DPF3: variants seen among roughly 807,000 people sequenced by gnomAD.
DPF3 encodes double PHD fingers 3.
A neutral mutation model predicts 56.8 loss-of-function variants in DPF3; 18 were observed. The observed-to-expected ratio is 0.32, with a 90% CI of 0.22 to 0.47. The LOEUF (loss-of-function observed/expected upper bound fraction) is 0.47. Ranked by LOEUF, DPF3 falls within the 20% of genes least tolerant of loss-of-function variation. The pLI, the probability that DPF3 is intolerant of heterozygous loss-of-function variation, is 1.00. For missense variants in DPF3, 403 were observed against 488.8 expected, an observed-to-expected ratio of 0.82 and a Z score of 1.65; for synonymous variants, 188 against 180.2, an observed-to-expected ratio of 1.04 and a Z score of -0.35.
intron 8 of DPF3, among the ~76,000 whole-genome samples, chr14:72,651,101 T>C (rs1476475501): frequency 6.6e-6 from 1 of 152,196 alleles, no homozygotes; most frequent in Non-Finnish European, 1.5e-5. Context: ...AGTGACTTGC[T>C]CAGGGTACAG....
chr14:72,768,323 T>C (rs1891375067), intron 2 of DPF3, among the ~76,000 whole-genome samples: 1 of 152,210 alleles, frequency 6.6e-6, no homozygotes, highest in African/African-American at 2.4e-5. Flanking sequence ...TGGTTTTCAA[T>C]GTATGTAAAG....
chr14:72,619,193 T>TGCAGTTG lies in DPF3; in HGVS notation c.*97_*103dup. 8.6e-7 allele frequency: 1 copy of TGCAGTTG among 1,157,112 alleles called. No homozygotes were observed. Among genetic ancestry groups the TGCAGTTG allele is most frequent in the Non-Finnish European group, 1.2e-6 (1 of 827,642 alleles). 71.7% of individuals were successfully genotyped at this position (1,157,112 alleles called of 1,614,324 possible). On this transcript the variant is annotated 3_prime_UTR_variant, in exon 11 of 11. Coordinates refer to ENST00000556509, the MANE Select transcript of DPF3 (RefSeq NM_001280542.3). ...CCCCTCTGGGACTATTTCTTTTCCT[T>TGCAGTTG]GCAGTTGGTCTGGCTGGATATGTGG...
intron 1 of DPF3, among the ~76,000 whole-genome samples, chr14:72,796,838 C>T (rs1051316540): frequency 1.1e-4 from 16 of 152,044 alleles, no homozygotes; most frequent in South Asian, 4.2e-4. Flanking sequence ...TCACCGCAGA[C>T]GATTTTATAA....
At chr14:72,742,822 C>T (rs1278810185) in intron 3 of DPF3, 1 of 152,334 alleles carries the variant, frequency 6.6e-6, no homozygotes, top group African/African-American at 2.4e-5. Flanking sequence ...CTGTAGAGTT[C>T]TGGCAGTTCA....
intron 1 of DPF3, among the ~76,000 whole-genome samples, chr14:72,794,959 C>T (rs1039908231): frequency 1.3e-5 from 2 of 152,088 alleles, no homozygotes; most frequent in Admixed American, 6.5e-5. Context: ...CTGACTCTGA[C>T]CGTCCTGTCT....
At chr14:72,619,864 A>G in intron 10 of DPF3, 39 bp downstream of exon 10, 2 of 1,499,606 alleles carry the variant, frequency 1.3e-6, no homozygotes, top group Non-Finnish European at 1.8e-6. Flanking sequence ...TAGTAGTAGT[A>G]TCTGTTGCTG....
chr14:72,732,046 G>T, intron 3 of DPF3, 112 bp from the exon 4 acceptor site: 1 of 1,368,926 alleles, frequency 7.3e-7, no homozygotes, highest in Non-Finnish European at 9.8e-7. Context: ...CTCGGGGCCT[G>T]TGCTCTCTCC....
intron 2 of DPF3, among the ~76,000 whole-genome samples, chr14:72,759,893 GT>G (rs1402763598): frequency 6.6e-6 from 1 of 152,086 alleles, no homozygotes; most frequent in East Asian, 1.9e-4. Context: ...AAAAAAACTT[GT>G]CAAACTAGAA....
chr14:72,778,921 C>T (rs184352674), intron 1 of DPF3, among the ~76,000 whole-genome samples: 1 of 152,276 alleles, frequency 6.6e-6, no homozygotes, highest in African/African-American at 2.4e-5. Context: ...GGGCAGAGGC[C>T]ACATCTGCAG....
intron 7 of DPF3, among the ~76,000 whole-genome samples, chr14:72,683,326 C>CAAA (rs56087517): frequency 0.011 from 838 of 79,560 alleles, 19 homozygotes; most frequent in African/African-American, 0.036. Flanking sequence ...GACCCCATCT[C>CAAA]AAAAAAAAAA....
intron 1 of DPF3, among the ~76,000 whole-genome samples, chr14:72,880,173 G>C (rs1038361959): frequency 6.6e-6 from 1 of 152,222 alleles, no homozygotes; most frequent in Non-Finnish European, 1.5e-5. Flanking sequence ...ACAAATACCT[G>C]TGTGTACTGA....
At chr14:72,816,034 A>G (rs1239159353) in intron 1 of DPF3, among the ~76,000 whole-genome samples, 1 of 152,224 alleles carries the variant, frequency 6.6e-6, no homozygotes, top group Non-Finnish European at 1.5e-5. Context: ...GAGAGATCCA[A>G]TATCTTACCC....
intron 1 of DPF3, among the ~76,000 whole-genome samples, chr14:72,879,261 T>C (rs1886232346): frequency 6.6e-6 from 1 of 152,106 alleles, no homozygotes; most frequent in African/African-American, 2.4e-5. Context: ...TGTGCACCTA[T>C]TGTCCCAGCT....
At chr14:72,770,014 A>C (rs1891456475) in intron 2 of DPF3, among the ~76,000 whole-genome samples, 1 of 152,222 alleles carries the variant, frequency 6.6e-6, no homozygotes, top group Non-Finnish European at 1.5e-5. Flanking sequence ...GAGCTAACAA[A>C]TGAAGATATA....
At chr14:72,711,707 G>A (rs1432795090) in intron 6 of DPF3, among the ~76,000 whole-genome samples, 2 of 152,096 alleles carry the variant, frequency 1.3e-5, no homozygotes, top group Admixed American at 6.5e-5. Context: ...GTGCCTATTC[G>A]TAGGGGAAAG....
chr14:72,859,477 C>T (rs376785686), intron 1 of DPF3, among the ~76,000 whole-genome samples: 10 of 104,376 alleles, frequency 9.6e-5, no homozygotes, highest in South Asian at 4.7e-4. Context: ...CCTCCCCCCC[C>T]CCCCCCACAC....
At chr14:72,816,662 T>C (rs1883303099) in intron 1 of DPF3, among the ~76,000 whole-genome samples, 1 of 151,726 alleles carries the variant, frequency 6.6e-6, no homozygotes, top group Non-Finnish European at 1.5e-5. Context: ...AAGGAAGTAG[T>C]ATGTAAAAGC....
chr14:72,855,194 G>A (rs960567836), intron 1 of DPF3, among the ~76,000 whole-genome samples: 2 of 152,186 alleles, frequency 1.3e-5, no homozygotes, highest in African/African-American at 4.8e-5. Flanking sequence ...TTACTAAGCA[G>A]GGATGACCTA....
chr14:72,868,924 G>T (rs1390647630), intron 1 of DPF3, among the ~76,000 whole-genome samples: 1 of 152,160 alleles, frequency 6.6e-6, no homozygotes, highest in Non-Finnish European at 1.5e-5. Context: ...TTTAGAAAGT[G>T]TACTGGATCA....
Sources: gnomAD v4.1 joint callset for allele counts (sites outside exome capture counted in the v4.1 genomes callset) on GRCh38, gnomAD v4.1.1 for gene constraint, MANE v1.5 for transcripts, NCBI Gene and HGNC (gene_info 2026-07-23, HGNC 2026-07-21) for gene names.